TFEB: variants seen among roughly 807,000 people sequenced by gnomAD.
TFEB encodes the protein transcription factor EB, also known as T-cell transcription factor EB.
TFEB carries 12 observed loss-of-function variants against 48.0 expected under a neutral mutation model. That is an observed-to-expected ratio of 0.25 (90% confidence interval 0.16 to 0.40). The LOEUF (loss-of-function observed/expected upper bound fraction) is 0.40, where lower values mean the gene tolerates loss of function less well. Among genes scored for constraint, TFEB ranks in the 10% least tolerant of loss-of-function variants. The probability of loss-of-function intolerance (pLI) is 1.00; values close to 1 mark genes in which losing one functional copy is unlikely to be tolerated. For missense variants in TFEB, 509 were observed against 640.3 expected (o/e 0.79, Z 2.21); for synonymous variants, 244 against 261.4 (o/e 0.93, Z 0.64).
chr6:41,687,853 G>T, intron 5 of TFEB, 44 bp from the exon 6 acceptor site: 1 of 1,610,534 alleles, frequency 6.2e-7, no homozygotes. Flanking sequence ...GAGGGAGGGA[G>T]AAAAGGAGGG....
Position 41,691,513 on chromosome 6 carries a change from CCT to C in TFEB, c.-22-280_-22-279del. 1.6e-6 allele frequency: 1 copy of C among 640,974 alleles called. No homozygotes were observed. Among genetic ancestry groups the C allele is most frequent in the East Asian group, 2.9e-5 (1 of 34,738 alleles). The allele number at this position is 640,974 out of a possible 1,614,324, so 39.7% of individuals were successfully genotyped here. A position where few individuals can be genotyped will look rare whatever the true frequency, so the allele number is the denominator to read the frequency against. On this transcript the variant is annotated intron_variant, in intron 1 of 8. Coordinates refer to ENST00000373033, the MANE Select transcript of TFEB (RefSeq NM_001271944.2). The surrounding 1 kb of genome is among the most constrained non-coding windows in gnomAD (Gnocchi z 5.2). Reference sequence around the variant, plus strand: ...CAAACTCTAAGAGTCAACTTCCACTCCTCTCTGTGTCACGCCCACATCCTGAT... The same window carrying C: ...CAAACTCTAAGAGTCAACTTCCACTCCTCTGTGTCACGCCCACATCCTGAT...
rs749225778 is a variant in TFEB, at chr6:41,691,286, G to A, written c.-22-51C>T. ...ATATGAGGCACGTGTCCTCCTCAAA[G>A]CACAGGGGCTGGCAGGGGGAGGCCA... On this transcript the variant is annotated intron_variant, in intron 1 of 8. Transcript: ENST00000373033. This position sits in a 1 kb window ranked among gnomAD's most constrained non-coding sequence, Gnocchi z 5.2. 7 of 1,528,980 alleles carry A rather than the reference G, an allele frequency of 4.6e-6. No homozygotes were observed. The Admixed American group carries it at 1.2e-4, about 26-fold the overall frequency. 94.7% of individuals were successfully genotyped at this position (1,528,980 alleles called of 1,614,324 possible).
At chr6:41,713,787 G>C (rs906745116) in intron 1 of TFEB, among the ~76,000 whole-genome samples, 2 of 152,208 alleles carry the variant, frequency 1.3e-5, no homozygotes, top group African/African-American at 2.4e-5. Flanking sequence ...TGGCTGGCTA[G>C]ACATGTGGCA....
chr6:41,700,465 CA>C (rs549557871), intron 1 of TFEB, among the ~76,000 whole-genome samples: 22,611 of 95,524 alleles, frequency 0.24, 1,580 homozygotes, highest in East Asian at 0.36. Flanking sequence ...GACTCCGTCT[CA>C]AAAAAAAAAA....
At chr6:41,731,501 T>A (rs1771449124) in intron 1 of TFEB, among the ~76,000 whole-genome samples, 2 of 150,614 alleles carry the variant, frequency 1.3e-5, no homozygotes, top group African/African-American at 4.9e-5. Context: ...TTTCTCTTCC[T>A]TTTTCTTCCT....
At chr6:41,727,378 G>A (rs1771257288) in intron 1 of TFEB, among the ~76,000 whole-genome samples, 2 of 152,164 alleles carry the variant, frequency 1.3e-5, no homozygotes, top group African/African-American at 2.4e-5. Flanking sequence ...TCAGAGGGTG[G>A]CGGAGGGTGG....
intron 1 of TFEB, among the ~76,000 whole-genome samples, chr6:41,714,211 G>A (rs1171623934): frequency 6.6e-6 from 1 of 152,126 alleles, no homozygotes; most frequent in South Asian, 2.1e-4. Context: ...GTGCATGTGC[G>A]TGCGTGTCTG....
chr6:41,729,034 C>G (rs1042979125), intron 1 of TFEB, among the ~76,000 whole-genome samples: 1 of 152,066 alleles, frequency 6.6e-6, no homozygotes, highest in Non-Finnish European at 1.5e-5. Context: ...CACAGCAAAC[C>G]CCTGTGCCCA....
chr6:41,718,261 T>A (rs1307303593), intron 1 of TFEB, among the ~76,000 whole-genome samples: 2 of 151,952 alleles, frequency 1.3e-5, no homozygotes. Flanking sequence ...CAGGCTAGAG[T>A]GCAGTGGAAT....
rs1364924920 is a variant in TFEB at position 41,720,331 on chromosome 6, C to CCATG, written c.-23+15015_-23+15018dup. On this transcript the variant is annotated intron_variant, in intron 1 of 8. Transcript: ENST00000373033. This position sits in a 1 kb window ranked among gnomAD's most constrained non-coding sequence, Gnocchi z 4.1. ...CAAAGCTGGGGATATCCCCAGCCTG[C>CCATG]CATGGGTCACAGGCTTCTCCTCCCA... The CCATG allele has an allele frequency of 6.6e-6, 1 of 152,192 alleles. No homozygotes were observed. Among genetic ancestry groups the CCATG allele is most frequent in the African/African-American group, 2.4e-5 (1 of 41,418 alleles). 9.4% of individuals were successfully genotyped at this position (152,192 alleles called of 1,614,324 possible).
intron 1 of TFEB, chr6:41,733,751 G>A (rs1241495042): frequency 2.0e-6 from 2 of 984,818 alleles, no homozygotes; most frequent in East Asian, 2.3e-4. Flanking sequence ...AACTATTGCT[G>A]GCTGTCCCTC....
In TFEB at chr6:41,723,075, C is replaced by A. The variant is rs1439759014; in HGVS notation, c.-23+12275G>T. 6.6e-6 allele frequency among the ~76,000 whole-genome samples: 1 copy of A among 152,150 alleles called. No individual in the cohort carries two copies. Among genetic ancestry groups the A allele is most frequent in the Non-Finnish European group, 1.5e-5 (1 of 68,016 alleles). On this transcript the variant is annotated intron_variant, in intron 1 of 8. Coordinates refer to ENST00000373033, the MANE Select transcript of TFEB (RefSeq NM_001271944.2). This position sits in a 1 kb window ranked among gnomAD's most constrained non-coding sequence, Gnocchi z 6.0. ...GTATTCACTGTGGCCTGGCCAGTGACATGCTAAGCCCATCCTGCCCATGAC... is the reference window on the plus strand; with the variant it reads ...GTATTCACTGTGGCCTGGCCAGTGAAATGCTAAGCCCATCCTGCCCATGAC...
At position 41,730,901 on chromosome 6, in the gene TFEB, C is replaced by T. The variant is rs1277976648; in HGVS notation, c.-23+4449G>A. ...CTCAGGCATTGCCAAGCCCCCTGCACCGTCTTATTCAACAAGGAGAGGAGG... is the reference window on the plus strand; with the variant it reads ...CTCAGGCATTGCCAAGCCCCCTGCATCGTCTTATTCAACAAGGAGAGGAGG... On this transcript the variant is annotated intron_variant, in intron 1 of 8. Coordinates refer to ENST00000373033, the MANE Select transcript of TFEB (RefSeq NM_001271944.2). The surrounding 1 kb of genome is among the most constrained non-coding windows in gnomAD (Gnocchi z 4.1). Among the ~76,000 whole-genome samples the T allele has an allele frequency of 6.6e-6, 1 of 152,084 alleles. No homozygotes were observed. Among genetic ancestry groups the T allele is most frequent in the African/African-American group, 2.4e-5 (1 of 41,404 alleles).
chr6:41,735,338 G>C lies in TFEB; in HGVS notation c.-23+12C>G, dbSNP rs1371436235. 22 of 985,044 alleles carry C rather than the reference G, an allele frequency of 2.2e-5. No individual in the cohort carries two copies. Among genetic ancestry groups the C allele is most frequent in the Non-Finnish European group, 2.7e-5 (22 of 829,880 alleles). 61.0% of individuals were successfully genotyped at this position (985,044 alleles called of 1,614,324 possible). On this transcript the variant is annotated intron_variant, in intron 1 of 8. Transcript: ENST00000373033. ...GCCCTCCTCGTGCCTCTCGCTCCCCGGTCCCGCTCACCTCGCTCTGAAGGT... is the reference window on the plus strand; with the variant it reads ...GCCCTCCTCGTGCCTCTCGCTCCCCCGTCCCGCTCACCTCGCTCTGAAGGT...
intron 1 of TFEB, among the ~76,000 whole-genome samples, chr6:41,717,713 G>A (rs1263850067): frequency 6.6e-6 from 1 of 152,198 alleles, no homozygotes; most frequent in Non-Finnish European, 1.5e-5. Context: ...GGAGCTCTCA[G>A]GAGGAAACAG....
rs1371391784 is a variant in TFEB at position 41,728,374 on chromosome 6, G to C, written c.-23+6976C>G. ...TGACAACATGGGGGCAGCGCCAGCT[G>C]CCCTCTGACACCCCCAGCTCTACGG... On this transcript the variant is annotated intron_variant, in intron 1 of 8. Coordinates refer to ENST00000373033, the MANE Select transcript of TFEB (RefSeq NM_001271944.2). 2.0e-5 allele frequency among the ~76,000 whole-genome samples: 3 copies of C among 152,280 alleles called. No individual in the cohort carries two copies. The East Asian group carries it at 5.8e-4, about 29-fold the overall frequency.
At chr6:41,686,410 C>T (rs1769006781) in intron 7 of TFEB, 173 bp from the exon 8 acceptor site, 1 of 687,792 alleles carries the variant, frequency 1.5e-6, no homozygotes, top group African/African-American at 1.8e-5. Flanking sequence ...CTCCTGGTGA[C>T]TTCTGTTGCC....
Position 41,684,951 on chromosome 6 carries a change from A to G in TFEB, c.1079T>C (p.Leu360Pro). 1 of 1,585,476 alleles carries G rather than the reference A, an allele frequency of 6.3e-7. No homozygotes were observed. The highest frequency in any genetic ancestry group is 1.7e-4 in the Middle Eastern group (1 of 5,728). Residue 360 changes from leucine (L) to proline (P), a missense_variant, in exon 9 of 9, where the codon CTG (leucine) becomes CCG (proline). Leu to Pro is a moderately conservative substitution (Grantham distance 98). Coordinates refer to ENST00000373033, the MANE Select transcript of TFEB (RefSeq NM_001271944.2). ...GTCAGGGACCTCAGCCCCCAGCATC[A>G]GGGCCTCCCCTGGGCCCTCTTCGCT... ...LPSEEGPGEA[L>P]MLGAEVPDPE...
At chr6:41,717,249 T>A (rs1581922977) in intron 1 of TFEB, among the ~76,000 whole-genome samples, 1 of 152,112 alleles carries the variant, frequency 6.6e-6, no homozygotes, top group African/African-American at 2.4e-5. Flanking sequence ...GAGGCAGCAG[T>A]ACACTGAAAA....
Sources: allele counts gnomAD v4.1 joint callset (sites outside exome capture counted in the v4.1 genomes callset), GRCh38; gene constraint gnomAD v4.1.1; non-coding constraint Gnocchi (gnomAD v3.1); transcripts MANE v1.5; gene names NCBI Gene and HGNC (gene_info 2026-07-23, HGNC 2026-07-21).